Variants in GSG1L observed in about 807,000 individuals in gnomAD.
GSG1L encodes GSG1 like, also known as germ cell-specific gene 1-like protein.
A neutral mutation model predicts 42.1 loss-of-function variants in GSG1L; 24 were observed. The observed-to-expected ratio is 0.57, with a 90% CI of 0.41 to 0.80. The LOEUF is 0.80. Among genes scored for constraint, GSG1L ranks in the 30% least tolerant of loss-of-function variants. The pLI, the probability that GSG1L is intolerant of heterozygous loss-of-function variation, is 0.00. For missense variants in GSG1L, 445 were observed against 472.2 expected, an observed-to-expected ratio of 0.94 and a Z score of 0.53; for synonymous variants, 215 against 203.5, an observed-to-expected ratio of 1.06 and a Z score of -0.48.
At position 27,842,212 on chromosome 16, in the gene GSG1L, C is replaced by T. The variant is rs989281827; in HGVS notation, c.662+2738G>A. ...ATTTCACATCAGTAGCACGTTGTTG[C>T]GCGTGTTAAATTTCATATCAGTAGC... On this transcript the variant is annotated intron_variant, in intron 4 of 6. Coordinates refer to ENST00000447459, the MANE Select transcript of GSG1L (RefSeq NM_001109763.2). 4.6e-5 allele frequency among the ~76,000 whole-genome samples: 7 copies of T among 151,820 alleles called. No homozygotes were observed. The South Asian group carries it at 1.0e-3, about 23-fold the overall frequency.
chr16:27,875,519 GATC>G (rs1287460851), intron 3 of GSG1L, among the ~76,000 whole-genome samples: 2 of 152,176 alleles, frequency 1.3e-5, no homozygotes, highest in Admixed American at 1.3e-4. Flanking sequence ...TGGGGCACCG[GATC>G]GTTCGGTTCC....
intron 2 of GSG1L, among the ~76,000 whole-genome samples, chr16:27,900,078 C>A (rs1224687374): frequency 6.6e-6 from 1 of 152,176 alleles, no homozygotes; most frequent in African/African-American, 2.4e-5. Context: ...TGCAATTGTC[C>A]TTCCTCCTCA....
chr16:27,868,215 A>C (rs1004321201), intron 3 of GSG1L, among the ~76,000 whole-genome samples: 5 of 152,242 alleles, frequency 3.3e-5, no homozygotes, highest in Non-Finnish European at 7.3e-5. Flanking sequence ...CCAGCCGGGA[A>C]GGGGAAAATG....
At chr16:27,839,996 C>A (rs1180021667) in intron 4 of GSG1L, among the ~76,000 whole-genome samples, 1 of 151,862 alleles carries the variant, frequency 6.6e-6, no homozygotes, top group African/African-American at 2.4e-5. Flanking sequence ...GTGCCTCCCA[C>A]TGTGCACAGC....
At chr16:27,917,091 T>G (rs2084466204) in intron 2 of GSG1L, among the ~76,000 whole-genome samples, 1 of 151,934 alleles carries the variant, frequency 6.6e-6, no homozygotes, top group Admixed American at 6.6e-5. Context: ...CAGAGGCCAG[T>G]GAGGTGGGAA....
chr16:27,867,409 G>A (rs2083742323), intron 3 of GSG1L, among the ~76,000 whole-genome samples: 1 of 152,204 alleles, frequency 6.6e-6, no homozygotes. Context: ...ACAAAGAGGT[G>A]GGAGCCACTG....
chr16:27,928,061 C>T (rs1256540540), intron 2 of GSG1L, among the ~76,000 whole-genome samples: 1 of 152,200 alleles, frequency 6.6e-6, no homozygotes, highest in Non-Finnish European at 1.5e-5. Flanking sequence ...CCATGTCCCC[C>T]AGTCCCTGAG....
chr16:27,807,550 C>T lies in GSG1L; in HGVS notation c.835G>A (p.Glu279Lys). ...EAIKYFRERMEKRDGSEEDFH... is the reference protein window; with the variant it reads ...EAIKYFRERMKKRDGSEEDFH... ...TCCTCCTCGCTCCCGTCCCTCTTCTCCATCCTGGAAAGAAAAAAAAACAAA... is the reference window on the plus strand; with the variant it reads ...TCCTCCTCGCTCCCGTCCCTCTTCTTCATCCTGGAAAGAAAAAAAAACAAA... Residue 279 changes from glutamate to lysine, a missense_variant, in exon 6 of 7, where the codon GAG (glutamate) becomes AAG (lysine). Glu to Lys is a moderately conservative substitution (Grantham distance 56). Around this residue, in one of 3 missense-constraint regions of GSG1L, gnomAD observed 140 missense variants for 120.6 expected, o/e 1.16. Transcript: ENST00000447459. The T allele has an allele frequency of 6.2e-6, 10 of 1,611,606 alleles. No individual in the cohort carries two copies. Among genetic ancestry groups the T allele is most frequent in the Non-Finnish European group, 8.5e-6 (10 of 1,179,754 alleles).
chr16:28,007,572 G>T (rs1457805995), intron 1 of GSG1L, among the ~76,000 whole-genome samples: 1 of 152,068 alleles, frequency 6.6e-6, no homozygotes, highest in Admixed American at 6.5e-5. Context: ...GAGTGCAGCG[G>T]TGCCATCACA....
chr16:27,920,361 G>A (rs1036198441), intron 2 of GSG1L, among the ~76,000 whole-genome samples: 1 of 152,162 alleles, frequency 6.6e-6, no homozygotes, highest in Non-Finnish European at 1.5e-5. Context: ...CGCACACCAG[G>A]CTGACTTAAT....
chr16:27,870,080 C>T (rs1301282776), intron 3 of GSG1L, among the ~76,000 whole-genome samples: 12 of 142,000 alleles, frequency 8.5e-5, no homozygotes, highest in Admixed American at 7.0e-5. Flanking sequence ...TCTCTCTTTC[C>T]TTTTCTCCCT....
intron 2 of GSG1L, among the ~76,000 whole-genome samples, chr16:27,904,746 TG>T: frequency 6.6e-6 from 1 of 152,216 alleles, no homozygotes; most frequent in African/African-American, 2.4e-5. Context: ...CCACCTCTGA[TG>T]GAAACACGAT....
At position 27,979,687 on chromosome 16, in the gene GSG1L, G is replaced by GGA. The variant is rs1567542832; in HGVS notation, c.350-16485_350-16484insTC. On this transcript the variant is annotated intron_variant, in intron 1 of 6. Transcript: ENST00000447459. ...AGAGAGAGAGAGAGAGAGAAAGAAA[G>GGA]AAGGAAGGAAGGAAGGAAGGAAGGA... Among the ~76,000 whole-genome samples, 6 of 24,690 alleles carry GGA rather than the reference G, an allele frequency of 2.4e-4. No homozygotes were observed. The East Asian group carries it at 8.6e-3, about 35-fold the overall frequency. The allele number at this position is 24,690 out of a possible 152,430, so 16.2% of individuals were successfully genotyped here.
At chr16:28,055,712 C>T (rs1021662635) in intron 1 of GSG1L, among the ~76,000 whole-genome samples, 3 of 151,340 alleles carry the variant, frequency 2.0e-5, no homozygotes, top group South Asian at 2.1e-4. Flanking sequence ...TCAGGTGATC[C>T]GCCCACCTCG....
At chr16:27,801,896 G>A (rs377389988) in intron 6 of GSG1L, among the ~76,000 whole-genome samples, 1 of 152,174 alleles carries the variant, frequency 6.6e-6, no homozygotes, top group East Asian at 1.9e-4. Context: ...GTGAATAAGT[G>A]CAAAGTCCTG....
chr16:27,807,085 G>A (rs1014100559), intron 6 of GSG1L, among the ~76,000 whole-genome samples: 1 of 152,238 alleles, frequency 6.6e-6, no homozygotes, highest in Admixed American at 6.5e-5. Context: ...AGTGTTTGAA[G>A]TGAATGCATC....
Position 27,888,475 on chromosome 16 carries a change from TCTCTTTCCTTTCTTTCTTTC to T in GSG1L, c.398-3857_398-3838del, listed in dbSNP as rs1567505827. Among the ~76,000 whole-genome samples the T allele has an allele frequency of 1.6e-3, 114 of 73,384 alleles. 16 individuals carry two copies. The highest frequency in any genetic ancestry group is 2.8e-3 in the Non-Finnish European group (91 of 32,548). 48.1% of individuals were successfully genotyped at this position (73,384 alleles called of 152,430 possible). ...TTCTTTCTTTCTTTCTCTCTCTCTC[TCTCTTTCCTTTCTTTCTTTC>T]TTTCTTTCTTTCTTTCTTTCTTTCT... On this transcript the variant is annotated intron_variant, in intron 2 of 6. Coordinates refer to ENST00000447459, the MANE Select transcript of GSG1L (RefSeq NM_001109763.2).
At chr16:28,062,189 C>CCAGCTGTCCGG (rs918277839) in intron 1 of GSG1L, among the ~76,000 whole-genome samples, 4 of 152,194 alleles carry the variant, frequency 2.6e-5, no homozygotes, top group Admixed American at 2.6e-4. Context: ...TGTGGCACAA[C>CCAGCTGTCCGG]CAGCTGTCCG....
At chr16:27,914,196 T>A (rs2084424169) in intron 2 of GSG1L, among the ~76,000 whole-genome samples, 1 of 152,194 alleles carries the variant, frequency 6.6e-6, no homozygotes, top group South Asian at 2.1e-4. Flanking sequence ...TATGAAATAT[T>A]ATATAGTCAT....
Sources: gnomAD v4.1 joint callset for allele counts (sites outside exome capture counted in the v4.1 genomes callset) on GRCh38, gnomAD v4.1.1 for gene constraint, gnomAD v4.1.1 regional missense constraint, MANE v1.5 for transcripts, NCBI Gene and HGNC (gene_info 2026-07-23, HGNC 2026-07-21) for gene names.